Variants in SLX4IP observed in about 807,000 individuals in gnomAD.
SLX4IP encodes the protein protein SLX4IP.
In SLX4IP, 34 loss-of-function variants were observed where a neutral mutation model predicts 32.9. The observed-to-expected ratio is 1.03, with a 90% confidence interval of 0.79 to 1.38. SLX4IP has a LOEUF of 1.38. SLX4IP is among the 40% of genes most tolerant of loss of function. SLX4IP has a pLI of 0.00. For synonymous variants in SLX4IP, 172 were observed against 171.7 expected, an observed-to-expected ratio of 1.00 and a Z score of -0.01; for missense variants, 444 against 479.0, an observed-to-expected ratio of 0.93 and a Z score of 0.68.
intron 2 of SLX4IP, among the ~76,000 whole-genome samples, chr20:10,546,463 C>G (rs1273490742): frequency 6.6e-6 from 1 of 152,132 alleles, no homozygotes; most frequent in African/African-American, 2.4e-5. Flanking sequence ...CCCTACCTAT[C>G]TGTAAATCTT....
intron 2 of SLX4IP, among the ~76,000 whole-genome samples, chr20:10,510,461 G>T (rs1407953413): frequency 6.6e-6 from 1 of 152,208 alleles, no homozygotes; most frequent in African/African-American, 2.4e-5. Flanking sequence ...CTTCCTGCTA[G>T]TATCAGCGGG....
chr20:10,617,743 G>T (rs2067055442), intron 6 of SLX4IP, among the ~76,000 whole-genome samples: 1 of 148,224 alleles, frequency 6.7e-6, no homozygotes, highest in Admixed American at 6.8e-5. Flanking sequence ...TGACCTCCTG[G>T]GCTCAAGTGA....
intron 2 of SLX4IP, among the ~76,000 whole-genome samples, chr20:10,545,935 A>G (rs1740151995): frequency 6.6e-6 from 1 of 152,242 alleles, no homozygotes; most frequent in East Asian, 1.9e-4. Context: ...TCTAACTCAT[A>G]AACTGAAAAG....
At chr20:10,472,109 A>G (rs1227857752) in intron 2 of SLX4IP, among the ~76,000 whole-genome samples, 1 of 152,182 alleles carries the variant, frequency 6.6e-6, no homozygotes, top group African/African-American at 2.4e-5. Context: ...GTTGGTGGCC[A>G]TCTTTGGAAA....
At chr20:10,519,594 A>G (rs566910918) in intron 2 of SLX4IP, among the ~76,000 whole-genome samples, 17 of 152,348 alleles carry the variant, frequency 1.1e-4, no homozygotes, top group Admixed American at 4.6e-4. Flanking sequence ...GTGTGGATAC[A>G]TCACCTTTTG....
At chr20:10,454,397 A>G (rs1463772748) in intron 1 of SLX4IP, among the ~76,000 whole-genome samples, 1 of 144,052 alleles carries the variant, frequency 6.9e-6, no homozygotes, top group Non-Finnish European at 1.5e-5. Flanking sequence ...GTAGAGAGGC[A>G]TGCAGGCAGA....
intron 2 of SLX4IP, among the ~76,000 whole-genome samples, chr20:10,518,404 T>TTTCCTTCC (rs1555811084): frequency 6.5e-5 from 6 of 92,426 alleles, no homozygotes; most frequent in East Asian, 3.1e-4. Context: ...TCTTTCTTTC[T>TTTCCTTCC]TTCCTTCCTT....
intron 2 of SLX4IP, among the ~76,000 whole-genome samples, chr20:10,476,476 G>C (rs2065476054): frequency 1.3e-5 from 2 of 152,158 alleles, no homozygotes; most frequent in South Asian, 4.1e-4. Flanking sequence ...AGTACTGCTA[G>C]CCATTGTGCA....
At chr20:10,447,296 T>C (rs2122325491) in intron 1 of SLX4IP, among the ~76,000 whole-genome samples, 1 of 152,244 alleles carries the variant, frequency 6.6e-6, no homozygotes, top group South Asian at 2.1e-4. Context: ...GTTAGTTTTT[T>C]TACCTTGCAT....
intron 2 of SLX4IP, among the ~76,000 whole-genome samples, chr20:10,500,007 C>T (rs2122411556): frequency 6.6e-6 from 1 of 152,166 alleles, no homozygotes; most frequent in South Asian, 2.1e-4. Flanking sequence ...TAAGAAACAC[C>T]TCTTTTGTCA....
intron 2 of SLX4IP, among the ~76,000 whole-genome samples, chr20:10,513,203 G>C (rs1479511435): frequency 2.6e-5 from 4 of 152,008 alleles, no homozygotes; most frequent in African/African-American, 4.8e-5. Context: ...TTTATATATG[G>C]CCTATCTTAG....
chr20:10,607,592 A>T (rs191856166), intron 6 of SLX4IP, among the ~76,000 whole-genome samples: 13 of 152,268 alleles, frequency 8.5e-5, no homozygotes, highest in Admixed American at 6.5e-4. Context: ...GTTAAGGAAT[A>T]GATTAGGGCC....
At chr20:10,499,037 T>C (rs990867287) in intron 2 of SLX4IP, among the ~76,000 whole-genome samples, 4 of 152,200 alleles carry the variant, frequency 2.6e-5, no homozygotes, top group Non-Finnish European at 5.9e-5. Context: ...CTCCCTACTT[T>C]GTATCTTTAC....
intron 2 of SLX4IP, among the ~76,000 whole-genome samples, chr20:10,506,960 T>C (rs899943331): frequency 2.0e-5 from 3 of 152,216 alleles, no homozygotes; most frequent in Admixed American, 6.5e-5. Flanking sequence ...AACTTACACA[T>C]TGTGAAATGA....
intron 2 of SLX4IP, among the ~76,000 whole-genome samples, chr20:10,495,428 G>A (rs1234854612): frequency 6.6e-6 from 1 of 151,900 alleles, no homozygotes; most frequent in Admixed American, 6.6e-5. Flanking sequence ...ACATGGTCGG[G>A]GTTTTGTAAA....
chr20:10,586,678 GA>G (rs1278044726), intron 4 of SLX4IP, among the ~76,000 whole-genome samples: 2 of 151,694 alleles, frequency 1.3e-5, no homozygotes, highest in African/African-American at 4.8e-5. Flanking sequence ...TATTAGTAAT[GA>G]AAAAAAGACG....
At chr20:10,565,018 G>T (rs2066374889) in intron 4 of SLX4IP, among the ~76,000 whole-genome samples, 1 of 152,026 alleles carries the variant, frequency 6.6e-6, no homozygotes, top group African/African-American at 2.4e-5. Flanking sequence ...GTTTAGGTTT[G>T]TGGTTTTTGC....
chr20:10,489,902 T>C (rs2122394760), intron 2 of SLX4IP, among the ~76,000 whole-genome samples: 1 of 152,352 alleles, frequency 6.6e-6, no homozygotes, highest in East Asian at 1.9e-4. Context: ...GAAGGTGTTT[T>C]AACACATGCA....
At chr20:10,558,146 C>T (rs535102735) in intron 3 of SLX4IP, among the ~76,000 whole-genome samples, 1 of 152,188 alleles carries the variant, frequency 6.6e-6, no homozygotes, top group Non-Finnish European at 1.5e-5. Context: ...TCAAGACCAG[C>T]CTGGGCAACA....
Sources: gnomAD v4.1 joint callset for allele counts (sites outside exome capture counted in the v4.1 genomes callset) on GRCh38, gnomAD v4.1.1 for gene constraint, MANE v1.5 for transcripts, NCBI Gene and HGNC (gene_info 2026-07-23, HGNC 2026-07-21) for gene names.